Variants in PSMD14 observed in about 807,000 individuals in gnomAD.
PSMD14 encodes proteasome 26S subunit, non-ATPase 14.
In PSMD14, 7 loss-of-function variants were observed where a neutral mutation model predicts 41.2. The ratio of observed to expected loss-of-function variants is 0.17; its 90% CI spans 0.10 to 0.32. The LOEUF is 0.32. Among genes scored for constraint, PSMD14 ranks in the 10% least tolerant of loss-of-function variants. The pLI is 1.00. For synonymous variants in PSMD14, 114 were observed against 122.3 expected (o/e 0.93, Z 0.45); for missense variants, 139 against 375.6 (o/e 0.37, Z 5.21).
intron 3 of PSMD14, among the ~76,000 whole-genome samples, chr2:161,331,765 T>A (rs572816899): frequency 3.3e-5 from 5 of 152,038 alleles, no homozygotes; most frequent in Admixed American, 1.3e-4. Flanking sequence ...CTCTGGAATT[T>A]AAAAAAAATG....
chr2:161,324,281 G>A (rs758018060), intron 3 of PSMD14, among the ~76,000 whole-genome samples: 64 of 152,180 alleles, frequency 4.2e-4, no homozygotes, highest in Non-Finnish European at 6.9e-4. Context: ...AAGCAATCAT[G>A]TTTTAAGTGC....
intron 9 of PSMD14, among the ~76,000 whole-genome samples, chr2:161,394,719 A>C (rs1683767543): frequency 6.6e-6 from 1 of 152,196 alleles, no homozygotes; most frequent in African/African-American, 2.4e-5. Flanking sequence ...GCATTATACA[A>C]GTAATACAGC....
intron 9 of PSMD14, 53 bp from the exon 10 acceptor site, chr2:161,395,021 CAATG>C (rs916860484): frequency 1.3e-5 from 18 of 1,352,212 alleles, no homozygotes; most frequent in African/African-American, 4.6e-5. Flanking sequence ...TTTCTCTAGA[CAATG>C]AAGGGGGTAT....
At position 161,313,192 on chromosome 2, in the gene PSMD14, A is replaced by G. The variant is rs1464301126; in HGVS notation, c.-137-3245A>G. ...TCTGGCACTCTGACTGTAGAGTCAT[A>G]GTACTTGACTCTCATGTACCAGGCA... On this transcript the variant is annotated intron_variant, in intron 1 of 11. Transcript: ENST00000409682. 2.0e-5 allele frequency among the ~76,000 whole-genome samples: 3 copies of G among 152,162 alleles called. No homozygotes were observed. In the East Asian group the frequency reaches 5.8e-4, roughly 29 times the overall value.
chr2:161,319,339 A>T (rs1423421764), intron 3 of PSMD14, among the ~76,000 whole-genome samples: 1 of 150,628 alleles, frequency 6.6e-6, no homozygotes, highest in African/African-American at 2.4e-5. Flanking sequence ...ATTAATAAGT[A>T]ATCTCTCTCC....
intron 10 of PSMD14, among the ~76,000 whole-genome samples, chr2:161,405,569 G>T (rs1683937374): frequency 6.6e-6 from 1 of 152,090 alleles, no homozygotes; most frequent in Non-Finnish European, 1.5e-5. Flanking sequence ...TGCCTATATT[G>T]ATGTTTAATT....
intron 3 of PSMD14, among the ~76,000 whole-genome samples, chr2:161,355,777 A>G (rs976772950): frequency 1.3e-5 from 2 of 152,222 alleles, no homozygotes; most frequent in Admixed American, 6.5e-5. Context: ...GGAATAAAAA[A>G]TTTCTACTGC....
chr2:161,320,457 T>C (rs1399065786), intron 3 of PSMD14, among the ~76,000 whole-genome samples: 1 of 152,134 alleles, frequency 6.6e-6, no homozygotes, highest in Non-Finnish European at 1.5e-5. Context: ...TAATCAGCCA[T>C]TGTGTCCTTA....
At chr2:161,343,933 A>G (rs768313681) in intron 3 of PSMD14, among the ~76,000 whole-genome samples, 1 of 152,216 alleles carries the variant, frequency 6.6e-6, no homozygotes, top group Non-Finnish European at 1.5e-5. Flanking sequence ...ACCAACGTTT[A>G]CATCTGTACT....
intron 3 of PSMD14, among the ~76,000 whole-genome samples, chr2:161,328,723 A>G (rs867539254): frequency 1.3e-5 from 2 of 152,288 alleles, no homozygotes; most frequent in Middle Eastern, 3.4e-3. Flanking sequence ...TTAAATTTAT[A>G]TGGTTATATC....
chr2:161,369,574 A>G (rs1683405392), intron 5 of PSMD14, among the ~76,000 whole-genome samples: 1 of 152,082 alleles, frequency 6.6e-6, no homozygotes, highest in South Asian at 2.1e-4. Context: ...GTTAGAAGAA[A>G]GCCTTGGGAG....
Position 161,367,479 on chromosome 2 carries a change from G to A in PSMD14, c.50G>A (p.Gly17Glu), listed in dbSNP as rs767261264. ...LGGGMPGLGQ[G>E]PPTDAPAVDT... ...AATAATTGATGTATTTGTTTCTAGG[G>A]GCCACCTACAGATGCTCCTGCAGTG... The change falls in exon 4 of 12, where the codon GGG (glycine) becomes GAG (glutamate). Residue 17 changes from glycine to glutamate, a missense_variant and splice_region_variant. Around this residue, in one of 4 missense-constraint regions of PSMD14, gnomAD observed 24 missense variants for 55.3 expected, o/e 0.43. Transcript: ENST00000409682. 6.3e-7 allele frequency: 1 copy of A among 1,588,872 alleles called. No homozygotes were observed. Among genetic ancestry groups the A allele is most frequent in the Non-Finnish European group, 8.6e-7 (1 of 1,166,334 alleles).
chr2:161,338,016 CTTAA>C (rs1205517620), intron 3 of PSMD14, among the ~76,000 whole-genome samples: 13 of 152,220 alleles, frequency 8.5e-5, no homozygotes, highest in Admixed American at 5.9e-4. Context: ...TCTCTGACTA[CTTAA>C]TTGTTACAAG....
intron 3 of PSMD14, among the ~76,000 whole-genome samples, chr2:161,334,756 G>C (rs957964154): frequency 6.6e-6 from 1 of 152,224 alleles, no homozygotes; most frequent in African/African-American, 2.4e-5. Context: ...TGAAAATAGA[G>C]ACAGGGTCTC....
intron 10 of PSMD14, among the ~76,000 whole-genome samples, chr2:161,404,172 C>T (rs923487525): frequency 6.6e-6 from 1 of 151,956 alleles, no homozygotes; most frequent in Non-Finnish European, 1.5e-5. Flanking sequence ...TCCTGAGTAG[C>T]TGAGATTATT....
intron 7 of PSMD14, among the ~76,000 whole-genome samples, chr2:161,372,370 C>T (rs1229226488): frequency 6.6e-6 from 1 of 151,964 alleles, no homozygotes; most frequent in Admixed American, 6.6e-5. Context: ...TATATCTGCT[C>T]ACCAGCAGAA....
At chr2:161,320,377 A>G (rs1211592591) in intron 3 of PSMD14, among the ~76,000 whole-genome samples, 5 of 152,230 alleles carry the variant, frequency 3.3e-5, no homozygotes, top group East Asian at 3.8e-4. Flanking sequence ...TTATATGTCA[A>G]TGGCGACTTC....
At chr2:161,370,912 A>G (rs1444366716) in intron 6 of PSMD14, among the ~76,000 whole-genome samples, 1 of 152,170 alleles carries the variant, frequency 6.6e-6, no homozygotes, top group East Asian at 1.9e-4. Flanking sequence ...AAACTGTGGT[A>G]ACAAGGTGAA....
At chr2:161,394,927 A>G in intron 9 of PSMD14, 151 bp from the exon 10 acceptor site, 1 of 678,598 alleles carries the variant, frequency 1.5e-6, no homozygotes, top group Non-Finnish European at 2.4e-6. Context: ...TAATACAAAT[A>G]TAGGAGCATT....
Sources: gnomAD v4.1 joint callset for allele counts (sites outside exome capture counted in the v4.1 genomes callset) on GRCh38, gnomAD v4.1.1 for gene constraint, gnomAD v4.1.1 regional missense constraint, MANE v1.5 for transcripts, NCBI Gene and HGNC (gene_info 2026-07-23, HGNC 2026-07-21) for gene names.